ASAP1: variants seen among roughly 807,000 people sequenced by gnomAD.
ASAP1 encodes the protein ArfGAP with SH3 domain, ankyrin repeat and PH domain 1.
In ASAP1, 43 loss-of-function variants were observed where a neutral mutation model predicts 145.2. The ratio of observed to expected loss-of-function variants is 0.30; its 90% CI spans 0.23 to 0.38. The LOEUF is 0.38. Among genes scored for constraint, ASAP1 ranks in the 10% least tolerant of loss-of-function variants. The probability of loss-of-function intolerance (pLI) is 1.00; values close to 1 mark genes in which losing one functional copy is unlikely to be tolerated. For missense variants in ASAP1, 1,018 were observed against 1,355.3 expected (o/e 0.75, Z 3.91); for synonymous variants, 546 against 515.5 (o/e 1.06, Z -0.80).
intron 12 of ASAP1, among the ~76,000 whole-genome samples, chr8:130,159,147 ACAG>A (rs1474416377): frequency 6.6e-6 from 1 of 152,198 alleles, no homozygotes; most frequent in Non-Finnish European, 1.5e-5. Context: ...TCCAGGAGAG[ACAG>A]CAGCAGCTCA....
At chr8:130,198,207 C>A (rs1815635513) in intron 5 of ASAP1, among the ~76,000 whole-genome samples, 1 of 151,600 alleles carries the variant, frequency 6.6e-6, no homozygotes, top group South Asian at 2.1e-4. Context: ...TCACTGCAAC[C>A]TCTGCCTCCT....
intron 2 of ASAP1, among the ~76,000 whole-genome samples, chr8:130,399,410 C>A (rs10956522): frequency 6.6e-6 from 1 of 151,806 alleles, no homozygotes; most frequent in Non-Finnish European, 1.5e-5. Flanking sequence ...AAGATACCTG[C>A]AAAATGAATG....
intron 1 of ASAP1, among the ~76,000 whole-genome samples, chr8:130,411,016 A>G (rs980328788): frequency 1.3e-5 from 2 of 152,082 alleles, no homozygotes; most frequent in African/African-American, 4.8e-5. Flanking sequence ...ACCCACCACC[A>G]TGTCCAGCTA....
chr8:130,369,264 C>T (rs1565255202), intron 2 of ASAP1, among the ~76,000 whole-genome samples: 1 of 152,162 alleles, frequency 6.6e-6, no homozygotes, highest in African/African-American at 2.4e-5. Flanking sequence ...AGACTAAACA[C>T]AGAATTCACT....
At chr8:130,258,711 T>C (rs1430239706) in intron 3 of ASAP1, among the ~76,000 whole-genome samples, 4 of 152,196 alleles carry the variant, frequency 2.6e-5, no homozygotes, top group Admixed American at 2.0e-4. Context: ...GCTCAACAAA[T>C]AGTACTTATC....
chr8:130,430,163 T>C (rs943820323), intron 1 of ASAP1, among the ~76,000 whole-genome samples: 1 of 152,162 alleles, frequency 6.6e-6, no homozygotes, highest in Non-Finnish European at 1.5e-5. Flanking sequence ...AAAAGAGAGA[T>C]TGTCAAACTC....
At chr8:130,079,758 C>A in intron 26 of ASAP1, 144 bp downstream of exon 26, 3 of 760,208 alleles carry the variant, frequency 3.9e-6, no homozygotes. Flanking sequence ...CAAGAGTGAA[C>A]GTCTGGTTTC....
intron 3 of ASAP1, among the ~76,000 whole-genome samples, chr8:130,347,709 C>A (rs139951615): frequency 6.6e-6 from 1 of 152,176 alleles, no homozygotes; most frequent in Admixed American, 6.5e-5. Context: ...CCAAGTGGAG[C>A]CAATCCAATC....
At chr8:130,290,862 C>T (rs139129244) in intron 3 of ASAP1, among the ~76,000 whole-genome samples, 14 of 152,298 alleles carry the variant, frequency 9.2e-5, no homozygotes, top group Admixed American at 3.3e-4. Context: ...CTTTGATATG[C>T]TTTAAAGCCA....
At chr8:130,068,734 C>T (rs963931520) in intron 27 of ASAP1, among the ~76,000 whole-genome samples, 1 of 152,224 alleles carries the variant, frequency 6.6e-6, no homozygotes, top group African/African-American at 2.4e-5. Flanking sequence ...GACTGTCCAA[C>T]TCTACCTACA....
chr8:130,064,893 A>ATATG (rs2097427242), intron 27 of ASAP1, among the ~76,000 whole-genome samples: 1 of 142,564 alleles, frequency 7.0e-6, no homozygotes. Flanking sequence ...TTTACTAAGA[A>ATATG]TGTGTGTGTG....
At chr8:130,259,081 C>T (rs1819741794) in intron 3 of ASAP1, among the ~76,000 whole-genome samples, 1 of 151,978 alleles carries the variant, frequency 6.6e-6, no homozygotes, top group African/African-American at 2.4e-5. Flanking sequence ...AAAATCTCCC[C>T]ACAGAGTACG....
At chr8:130,284,842 T>C (rs1018480214) in intron 3 of ASAP1, among the ~76,000 whole-genome samples, 4 of 141,630 alleles carry the variant, frequency 2.8e-5, no homozygotes, top group Middle Eastern at 3.6e-3. Context: ...TTTTACACTC[T>C]ACACACACAC....
chr8:130,371,555 T>C (rs1289985421), intron 2 of ASAP1, among the ~76,000 whole-genome samples: 2 of 152,184 alleles, frequency 1.3e-5, no homozygotes, highest in Non-Finnish European at 2.9e-5. Context: ...TAAGCAGAAA[T>C]GCTATGTAGG....
rs1391642646 is a variant in ASAP1 at position 130,167,585 on chromosome 8, G to C, written c.860C>G (p.Thr287Ser). ...QTQDEEKKQL[T>S]ALRDLIKSSL... Reference sequence around the variant, plus strand: ...GGATTTTATTAAGTCTCGGAGTGCAGTTAGCTGTTTCTTTTCTTCATCCTG... The same window carrying C: ...GGATTTTATTAAGTCTCGGAGTGCACTTAGCTGTTTCTTTTCTTCATCCTG... Residue 287 changes from threonine to serine, a missense_variant, in exon 11 of 30, where the codon ACT becomes AGT. This residue lies in a region of ASAP1 where 62 missense variants were observed against 68.5 expected (regional missense o/e 0.90). Transcript: ENST00000518721. The C allele has an allele frequency of 1.2e-6, 2 of 1,613,372 alleles. No individual in the cohort carries two copies. Among genetic ancestry groups the C allele is most frequent in the Non-Finnish European group, 1.7e-6 (2 of 1,179,466 alleles).
chr8:130,097,110 A>T (rs2097519599), intron 24 of ASAP1, among the ~76,000 whole-genome samples: 1 of 127,228 alleles, frequency 7.9e-6, no homozygotes, highest in Non-Finnish European at 1.6e-5. Flanking sequence ...TAGGAGACAG[A>T]GTGACAGTTA....
chr8:130,267,123 C>CAAAA (rs759131217), intron 3 of ASAP1, among the ~76,000 whole-genome samples: 2 of 104,188 alleles, frequency 1.9e-5, no homozygotes, highest in African/African-American at 2.8e-5. Flanking sequence ...AACAAACAAA[C>CAAAA]AAAAAAAAAA....
intron 27 of ASAP1, among the ~76,000 whole-genome samples, chr8:130,069,148 A>C (rs2097436458): frequency 6.6e-6 from 1 of 152,238 alleles, no homozygotes; most frequent in Non-Finnish European, 1.5e-5. Flanking sequence ...GAAAGGGGAG[A>C]GTCATGGGAC....
At position 130,060,632 on chromosome 8, in the gene ASAP1, G is replaced by A. The variant is rs942142121; in HGVS notation, c.3139C>T (p.Leu1047Phe). 5.6e-6 allele frequency: 9 copies of A among 1,614,050 alleles called. No individual in the cohort carries two copies. The highest frequency in any genetic ancestry group is 7.6e-6 in the Non-Finnish European group (9 of 1,180,034). The change falls in exon 28 of 30, where the codon CTC (leucine) becomes TTC (phenylalanine). Residue 1047 changes from leucine (L) to phenylalanine (F), a missense_variant. Physicochemically the swap from Leu to Phe is conservative, Grantham distance 22 (BLOSUM62 0). Transcript: ENST00000518721. ...QKQASEDSND[L>F]TPTLPETPVP... ...GGCGTCTCTGGCAGAGTAGGCGTGA[G>A]GTCGTTGGAGTCTTCAGATGCTTGC...
Sources: gnomAD v4.1 joint callset for allele counts (sites outside exome capture counted in the v4.1 genomes callset) on GRCh38, gnomAD v4.1.1 for gene constraint, gnomAD v4.1.1 regional missense constraint, MANE v1.5 for transcripts, NCBI Gene and HGNC (gene_info 2026-07-23, HGNC 2026-07-21) for gene names.